The following PPP4R3A variants were observed in gnomAD, a reference collection of about 807,000 sequenced individuals.
PPP4R3A encodes protein phosphatase 4 regulatory subunit 3A.
In PPP4R3A, 15 loss-of-function variants were observed where a neutral mutation model predicts 91.7. The ratio of observed to expected loss-of-function variants is 0.16; its 90% CI spans 0.11 to 0.25. The LOEUF is 0.25. PPP4R3A is among the 10% of genes least tolerant of loss of function. The pLI is 1.00. For missense variants in PPP4R3A, 623 were observed against 998.4 expected (o/e 0.62, Z 5.07); for synonymous variants, 377 against 348.7 (o/e 1.08, Z -0.91).
At chr14:91,483,864 C>T (rs1889716021) in intron 3 of PPP4R3A, among the ~76,000 whole-genome samples, 1 of 151,970 alleles carries the variant, frequency 6.6e-6, no homozygotes, top group Non-Finnish European at 1.5e-5. Context: ...AAAGACCAAA[C>T]AAAGGTAAAG....
chr14:91,462,068 T>C lies in PPP4R3A; in HGVS notation c.2145A>G (p.Lys715=). ...NDDDIMDPIS[K]FMERKKLKES... ...ACATACATTTCTTCCTTTCCATGAATTTACTTATTGGATCCATAATATCAT... is the reference window on the plus strand; with the variant it reads ...ACATACATTTCTTCCTTTCCATGAACTTACTTATTGGATCCATAATATCAT... Residue 715 remains lysine, a synonymous_variant, in exon 13 of 15, where the codon AAA becomes AAG. Transcript: ENST00000554943. 6.6e-7 allele frequency: 1 copy of C among 1,524,652 alleles called. No homozygotes were observed. The highest frequency in any genetic ancestry group is 8.8e-7 in the Non-Finnish European group (1 of 1,139,894). The allele number at this position is 1,524,652 out of a possible 1,614,324, so 94.4% of individuals were successfully genotyped here. A position where few individuals can be genotyped will look rare whatever the true frequency, so the allele number is the denominator to read the frequency against.
intron 9 of PPP4R3A, among the ~76,000 whole-genome samples, chr14:91,471,303 T>C (rs1888815444): frequency 6.6e-6 from 1 of 152,192 alleles, no homozygotes; most frequent in African/African-American, 2.4e-5. Context: ...TCTGCCTTAT[T>C]CCAAAATTCA....
At chr14:91,476,358 AT>A in intron 6 of PPP4R3A, 49 bp downstream of exon 6, 1 of 1,255,314 alleles carries the variant, frequency 8.0e-7, no homozygotes, top group Admixed American at 2.0e-5. Flanking sequence ...AAAAATATTA[AT>A]TTTGGGATTA....
At chr14:91,498,444 T>C (rs1265049425) in intron 1 of PPP4R3A, among the ~76,000 whole-genome samples, 1 of 152,166 alleles carries the variant, frequency 6.6e-6, no homozygotes, top group Non-Finnish European at 1.5e-5. Flanking sequence ...TTTTAAGTGA[T>C]TTTTTTCCTA....
At chr14:91,503,057 A>C (rs1891059249) in intron 1 of PPP4R3A, among the ~76,000 whole-genome samples, 1 of 152,096 alleles carries the variant, frequency 6.6e-6, no homozygotes, top group South Asian at 2.1e-4. Context: ...GCATGACCAA[A>C]GTTCATGGCA....
At position 91,507,996 on chromosome 14, in the gene PPP4R3A, T is replaced by A. The variant is rs71428761; in HGVS notation, c.142+1510A>T. 3.7e-3 allele frequency among the ~76,000 whole-genome samples: 559 copies of A among 152,206 alleles called. 6 individuals carry two copies. Among genetic ancestry groups the A allele is most frequent in the African/African-American group, 0.013 (548 of 41,512 alleles). ...AAAAAATTAAAAAGAAATCTACGGA[T>A]ACTTTCATCTCATAAGAAGCTGATA... On this transcript the variant is annotated intron_variant, in intron 1 of 14. Transcript: ENST00000554943.
chr14:91,471,914 A>C (rs1478177226), intron 9 of PPP4R3A, among the ~76,000 whole-genome samples: 2 of 151,856 alleles, frequency 1.3e-5, no homozygotes, highest in Non-Finnish European at 2.9e-5. Context: ...AAAATATAAA[A>C]ATTAGCCAGG....
Position 91,458,788 on chromosome 14 carries a change from A to G in PPP4R3A, c.2473T>C (p.Leu825=). 1 of 1,614,124 alleles carries G rather than the reference A, an allele frequency of 6.2e-7. No individual in the cohort carries two copies. The highest frequency in any genetic ancestry group is 8.5e-7 in the Non-Finnish European group (1 of 1,180,024). Residue 825 remains leucine (L), a synonymous_variant, in exon 15 of 15, where the codon TTG becomes CTG. Coordinates refer to ENST00000554943, the MANE Select transcript of PPP4R3A (RefSeq NM_001366432.2). The stretch of plus-strand genomic sequence containing the variant: ...GAATCAAATTTTGCTTTCTTTGACA[A>G]TGGTAACGTATCTTCCTTATCTTCA... ...EDEDKEDTLP[L]SKKAKFDS
Position 91,481,771 on chromosome 14 carries a change from T to C in PPP4R3A, c.720A>G (p.Leu240=). Residue 240 remains leucine (L), a synonymous_variant, in exon 4 of 15, where the codon CTA becomes CTG. Transcript: ENST00000554943. ...CTTCTTTAAACTTGGCTGTTTTTGT[T>C]AGAAATTCCCTGTGTTTTCGTGGTT... ...LSQPRKHREF[L]TKTAKFKEVI... 1.9e-6 allele frequency: 3 copies of C among 1,613,776 alleles called. No homozygotes were observed. The highest frequency in any genetic ancestry group is 2.2e-5 in the South Asian group (2 of 90,918).
At chr14:91,500,238 CTT>C (rs1488905291) in intron 1 of PPP4R3A, among the ~76,000 whole-genome samples, 4 of 151,882 alleles carry the variant, frequency 2.6e-5, no homozygotes, top group Middle Eastern at 3.4e-3. Flanking sequence ...GGATTTCACT[CTT>C]GTCAGGCTGG....
At chr14:91,507,379 A>AT (rs1891385086) in intron 1 of PPP4R3A, among the ~76,000 whole-genome samples, 1 of 64,012 alleles carries the variant, frequency 1.6e-5, no homozygotes, top group Non-Finnish European at 3.8e-5. Flanking sequence ...ATAATTATAT[A>AT]TACTATATAG....
intron 1 of PPP4R3A, among the ~76,000 whole-genome samples, chr14:91,495,448 G>C (rs1213359846): frequency 6.6e-6 from 1 of 151,954 alleles, no homozygotes; most frequent in Admixed American, 6.6e-5. Context: ...CTGAGTAGCT[G>C]GGACTACAGG....
At chr14:91,474,421 T>C (rs1889046733) in intron 7 of PPP4R3A, among the ~76,000 whole-genome samples, 1 of 151,988 alleles carries the variant, frequency 6.6e-6, no homozygotes, top group Non-Finnish European at 1.5e-5. Context: ...ATGCAGACAG[T>C]AGATGGAAAT....
intron 9 of PPP4R3A, among the ~76,000 whole-genome samples, chr14:91,472,824 A>ACAAACAACCAACCAAC (rs1555434923): frequency 6.6e-6 from 1 of 150,402 alleles, no homozygotes; most frequent in African/African-American, 2.5e-5. Context: ...TTTGATAAAA[A>ACAAACAACCAACCAAC]CAACCAACCA....
At chr14:91,487,452 A>T (rs1889967531) in intron 2 of PPP4R3A, among the ~76,000 whole-genome samples, 1 of 152,112 alleles carries the variant, frequency 6.6e-6, no homozygotes, top group Non-Finnish European at 1.5e-5. Flanking sequence ...GGGCTATGTC[A>T]CTCAAGTGTT....
At position 91,482,172 on chromosome 14, in the gene PPP4R3A, C is replaced by T. The variant is rs751192835; in HGVS notation, c.319G>A (p.Val107Met). Residue 107 changes from valine (V) to methionine (M), a missense_variant, in exon 4 of 15, where the codon GTG becomes ATG. Val to Met is a conservative substitution (Grantham distance 21, BLOSUM62 1). Coordinates refer to ENST00000554943, the MANE Select transcript of PPP4R3A (RefSeq NM_001366432.2). ...ICQVQGKDPSVDITQDLVDES... is the reference protein window; with the variant it reads ...ICQVQGKDPSMDITQDLVDES... ...TCCACAAGGTCCTGAGTGATGTCCA[C>T]GGAAGGGTCCTTTCCTTGAACCTAT... The T allele has an allele frequency of 4.4e-6, 7 of 1,605,108 alleles. No individual in the cohort carries two copies. The highest frequency in any genetic ancestry group is 2.2e-5 in the East Asian group (1 of 44,796).
At chr14:91,471,249 T>C (rs998848904) in intron 9 of PPP4R3A, among the ~76,000 whole-genome samples, 1 of 152,132 alleles carries the variant, frequency 6.6e-6, no homozygotes, top group Admixed American at 6.6e-5. Context: ...TAGACCCAAG[T>C]TGGAAAAGTT....
intron 2 of PPP4R3A, 77 bp downstream of exon 2, chr14:91,490,670 T>TATA (rs939292832): frequency 4.2e-6 from 5 of 1,179,098 alleles, no homozygotes; most frequent in Non-Finnish European, 6.1e-6. Context: ...AATTTTTCAC[T>TATA]ATAAGCAATC....
intron 2 of PPP4R3A, among the ~76,000 whole-genome samples, chr14:91,488,797 T>C (rs1413450994): frequency 1.3e-5 from 2 of 152,042 alleles, no homozygotes; most frequent in Admixed American, 6.6e-5. Context: ...ACCATCTATG[T>C]GGCAGGTAAT....
Sources: allele counts gnomAD v4.1 joint callset (sites outside exome capture counted in the v4.1 genomes callset), GRCh38; gene constraint gnomAD v4.1.1; transcripts MANE v1.5; gene names NCBI Gene and HGNC (gene_info 2026-07-23, HGNC 2026-07-21).